Variants in SND1 observed in about 807,000 individuals in gnomAD.
SND1 encodes staphylococcal nuclease domain-containing protein 1.
In SND1, 38 loss-of-function variants were observed where a neutral mutation model predicts 121.7. That is an observed-to-expected ratio of 0.31 (90% CI 0.24 to 0.41). The LOEUF (loss-of-function observed/expected upper bound fraction) is 0.41, where lower values mean the gene tolerates loss of function less well. Ranked by LOEUF, SND1 falls within the 10% of genes least tolerant of loss-of-function variation. The probability of loss-of-function intolerance (pLI) is 1.00; values close to 1 mark genes in which losing one functional copy is unlikely to be tolerated. For missense variants in SND1, 868 were observed against 1,184.6 expected (o/e 0.73, Z 3.92); for synonymous variants, 401 against 447.4 (o/e 0.90, Z 1.31).
intron 13 of SND1, among the ~76,000 whole-genome samples, chr7:127,902,383 T>G (rs1023205891): frequency 2.6e-5 from 4 of 152,178 alleles, no homozygotes; most frequent in Admixed American, 6.5e-5. Context: ...ATGGTCAGGG[T>G]GGGAAGGAGC....
At chr7:127,791,141 CTTTTTTTTTTTTTT>C (rs66878881) in intron 10 of SND1, among the ~76,000 whole-genome samples, 12 of 110,862 alleles carry the variant, frequency 1.1e-4, no homozygotes, top group African/African-American at 4.1e-4. Context: ...TTTACCTCTC[CTTTTTTTTTTTTTT>C]TTTTTTTTGA....
At chr7:127,803,747 A>G (rs567568811) in intron 10 of SND1, among the ~76,000 whole-genome samples, 41 of 152,316 alleles carry the variant, frequency 2.7e-4, no homozygotes, top group South Asian at 1.0e-3. Flanking sequence ...AACATTGGCC[A>G]GACTCCCAAT....
At chr7:128,035,752 A>G (rs116360411) in intron 16 of SND1, among the ~76,000 whole-genome samples, 10 of 152,198 alleles carry the variant, frequency 6.6e-5, no homozygotes, top group Non-Finnish European at 1.0e-4. Flanking sequence ...ACCAGTCTGC[A>G]CTTCCTAGTG....
At chr7:127,923,619 T>C (rs1800765013) in intron 14 of SND1, among the ~76,000 whole-genome samples, 1 of 152,170 alleles carries the variant, frequency 6.6e-6, no homozygotes, top group African/African-American at 2.4e-5. Flanking sequence ...TGAATTAAAA[T>C]GGCACTTGGG....
At chr7:127,848,711 T>A (rs1423907678) in intron 12 of SND1, among the ~76,000 whole-genome samples, 1 of 152,192 alleles carries the variant, frequency 6.6e-6, no homozygotes, top group Non-Finnish European at 1.5e-5. Context: ...AACTAGTGAT[T>A]TTAGGGGACT....
chr7:128,030,440 G>C, intron 16 of SND1: 2 of 1,613,800 alleles, frequency 1.2e-6, no homozygotes, highest in Non-Finnish European at 8.5e-7. Context: ...GCGGGACCTC[G>C]GAGAGGCCCC....
intron 16 of SND1, among the ~76,000 whole-genome samples, chr7:128,033,353 G>A (rs546152374): frequency 6.6e-6 from 1 of 152,302 alleles, no homozygotes; most frequent in East Asian, 1.9e-4. Flanking sequence ...CGGTCCAGTA[G>A]AATATAGCAT....
intron 16 of SND1, among the ~76,000 whole-genome samples, chr7:128,032,386 G>A (rs1390691252): frequency 1.3e-5 from 2 of 151,492 alleles, no homozygotes; most frequent in Non-Finnish European, 3.0e-5. Context: ...GGGCGAGCGG[G>A]CGAGCGAGCC....
chr7:127,731,681 CA>C (rs1337116699), intron 10 of SND1, among the ~76,000 whole-genome samples: 1 of 152,200 alleles, frequency 6.6e-6, no homozygotes, highest in Non-Finnish European at 1.5e-5. Flanking sequence ...ATAGCCTCAG[CA>C]CTGTCAGAGT....
At chr7:127,788,209 C>A (rs141941005) in intron 10 of SND1, among the ~76,000 whole-genome samples, 1 of 151,990 alleles carries the variant, frequency 6.6e-6, no homozygotes, top group African/African-American at 2.4e-5. Context: ...AAATGAAAGT[C>A]CAGAGAGATT....
rs191626350 is a variant in SND1, at chr7:128,015,126, G to T, written c.1779+24070G>T. Among the ~76,000 whole-genome samples, 1 of 152,286 alleles carries T rather than the reference G, an allele frequency of 6.6e-6. No homozygotes were observed. The highest frequency in any genetic ancestry group is 2.4e-5 in the African/African-American group (1 of 41,546). ...CGCGCCTTCTGTCTGAGCCAACCTT[G>T]ATTCACAGTAGTGCAGATGGCCCCA... On this transcript the variant is annotated intron_variant, in intron 16 of 23. Transcript: ENST00000354725. The surrounding 1 kb of genome is among the most constrained non-coding windows in gnomAD (Gnocchi z 4.5).
intron 11 of SND1, among the ~76,000 whole-genome samples, chr7:127,833,260 C>CTTTTTT (rs35890438): frequency 1.0e-5 from 1 of 97,284 alleles, no homozygotes. Context: ...ATTGAACTGT[C>CTTTTTT]TTTTTTTTTT....
chr7:127,950,258 G>T (rs1459317465), intron 15 of SND1, among the ~76,000 whole-genome samples: 1 of 151,682 alleles, frequency 6.6e-6, no homozygotes, highest in African/African-American at 2.4e-5. Context: ...AATATTCATT[G>T]TATACACAAT....
At chr7:127,781,931 A>G (rs1456876933) in intron 10 of SND1, among the ~76,000 whole-genome samples, 1 of 152,230 alleles carries the variant, frequency 6.6e-6, no homozygotes, top group Admixed American at 6.5e-5. Flanking sequence ...TGCAGTACTT[A>G]GTCCAGATTC....
intron 16 of SND1, among the ~76,000 whole-genome samples, chr7:128,009,707 T>A (rs1235736025): frequency 1.3e-5 from 2 of 152,222 alleles, no homozygotes; most frequent in African/African-American, 4.8e-5. Context: ...AATGTTAGGT[T>A]TGCATTGTGT....
chr7:128,051,701 G>A (rs1793049188), intron 16 of SND1, among the ~76,000 whole-genome samples: 1 of 152,058 alleles, frequency 6.6e-6, no homozygotes, highest in South Asian at 2.1e-4. Flanking sequence ...TCCAGGTAAT[G>A]GAATTCACTC....
intron 15 of SND1, among the ~76,000 whole-genome samples, chr7:127,941,914 A>G (rs1277266406): frequency 2.1e-5 from 2 of 93,878 alleles, no homozygotes; most frequent in Non-Finnish European, 4.2e-5. Flanking sequence ...TTTTTTTTTA[A>G]ATTTTCCAAG....
At chr7:128,023,261 C>G (rs1012412149) in intron 16 of SND1, among the ~76,000 whole-genome samples, 11 of 152,178 alleles carry the variant, frequency 7.2e-5, no homozygotes, top group Non-Finnish European at 1.3e-4. Context: ...CCCACCGGCC[C>G]TTTCAGTGCT....
intron 16 of SND1, among the ~76,000 whole-genome samples, chr7:128,045,621 A>C (rs1047767208): frequency 1.3e-5 from 2 of 152,240 alleles, no homozygotes; most frequent in Non-Finnish European, 2.9e-5. Flanking sequence ...ATGCTGCAGC[A>C]CTAGAACATA....
Sources: gnomAD v4.1 joint callset for allele counts (sites outside exome capture counted in the v4.1 genomes callset) on GRCh38, gnomAD v4.1.1 for gene constraint, Gnocchi (gnomAD v3.1) non-coding constraint, MANE v1.5 for transcripts, NCBI Gene and HGNC (gene_info 2026-07-23, HGNC 2026-07-21) for gene names.